Variants in SH3D19 observed in about 807,000 individuals in gnomAD.
SH3D19 encodes SH3 domain-containing protein 19.
In SH3D19, 58 loss-of-function variants were observed where a neutral mutation model predicts 112.1. That is an observed-to-expected ratio of 0.52 (90% confidence interval 0.42 to 0.64). The LOEUF (loss-of-function observed/expected upper bound fraction) is 0.64. Among genes scored for constraint, SH3D19 ranks in the 30% least tolerant of loss-of-function variants. SH3D19 has a pLI of 0.00. For synonymous variants in SH3D19, 391 were observed against 448.5 expected (o/e 0.87, Z 1.62); for missense variants, 1,090 against 1,263.4 (o/e 0.86, Z 2.08).
intron 7 of SH3D19, chr4:151,166,260 C>T (rs1226052608): frequency 1.3e-5 from 2 of 152,290 alleles, no homozygotes; most frequent in Non-Finnish European, 2.9e-5. Flanking sequence ...AAGACATATC[C>T]CTTCAAATAT....
chr4:151,203,587 A>T (rs1031637310), intron 2 of SH3D19, among the ~76,000 whole-genome samples: 1 of 152,180 alleles, frequency 6.6e-6, no homozygotes, highest in Admixed American at 6.5e-5. Context: ...ACCAACTTAT[A>T]AAGGTCATTT....
intron 1 of SH3D19, among the ~76,000 whole-genome samples, chr4:151,265,650 CACTGCA>C (rs1215023335): frequency 6.9e-6 from 1 of 145,792 alleles, no homozygotes; most frequent in African/African-American, 2.6e-5. Context: ...AATCTCAGCT[CACTGCA>C]ACCTCCACCT....
intron 2 of SH3D19, among the ~76,000 whole-genome samples, chr4:151,208,275 C>G (rs1385636290): frequency 6.6e-6 from 1 of 152,208 alleles, no homozygotes; most frequent in Non-Finnish European, 1.5e-5. Flanking sequence ...GGTGAGAGTT[C>G]CAGCCTGCCC....
At chr4:151,277,068 G>C (rs1406646461) in intron 1 of SH3D19, 1 of 807,232 alleles carries the variant, frequency 1.2e-6, no homozygotes, top group Admixed American at 3.8e-5. Context: ...GTGAAGCAGA[G>C]GAATCCATCT....
intron 11 of SH3D19, 38 bp from the exon 12 acceptor site, chr4:151,144,088 T>A: frequency 6.3e-7 from 1 of 1,592,212 alleles, no homozygotes; most frequent in Non-Finnish European, 8.5e-7. Context: ...GCAATTATTA[T>A]TTAATAAAAC....
chr4:151,161,216 C>A (rs887452766), intron 8 of SH3D19, among the ~76,000 whole-genome samples: 1 of 152,056 alleles, frequency 6.6e-6, no homozygotes, highest in Non-Finnish European at 1.5e-5. Context: ...GGGAGCCTTG[C>A]AGACATCTGG....
intron 1 of SH3D19, among the ~76,000 whole-genome samples, chr4:151,250,292 T>C (rs1303788549): frequency 6.6e-6 from 1 of 152,226 alleles, no homozygotes; most frequent in Non-Finnish European, 1.5e-5. Flanking sequence ...TGGAATGTTA[T>C]GCAGCTATTT....
At chr4:151,127,597 T>C (rs765469472) in intron 19 of SH3D19, 21 bp downstream of exon 19, 3 of 1,447,700 alleles carry the variant, frequency 2.1e-6, no homozygotes, top group Non-Finnish European at 2.8e-6. Flanking sequence ...AATGCAGTTA[T>C]GAAGAGATAC....
intron 8 of SH3D19, among the ~76,000 whole-genome samples, chr4:151,162,958 A>G (rs1336985395): frequency 2.0e-5 from 3 of 152,202 alleles, no homozygotes; most frequent in Admixed American, 1.3e-4. Context: ...AACAGAATAT[A>G]TGGTTTATGC....
chr4:151,132,450 A>G lies in SH3D19; in HGVS notation c.2690-67T>C. Reference sequence around the variant, plus strand: ...AGATGTGAAGGCCACATAGTATTAAAAACAAATGGTTGAGGTGGGAGGTGG... The same window carrying G: ...AGATGTGAAGGCCACATAGTATTAAGAACAAATGGTTGAGGTGGGAGGTGG... On this transcript the variant is annotated intron_variant, in intron 16 of 19. Coordinates refer to ENST00000604030, the MANE Select transcript of SH3D19 (RefSeq NM_001378122.1). 6 of 1,434,506 alleles carry G rather than the reference A, an allele frequency of 4.2e-6. No homozygotes were observed. The South Asian group carries it at 5.9e-5, about 14-fold the overall frequency. The allele number at this position is 1,434,506 out of a possible 1,614,324, so 88.9% of individuals were successfully genotyped here.
intron 19 of SH3D19, among the ~76,000 whole-genome samples, chr4:151,123,691 G>A (rs1748538428): frequency 6.6e-6 from 1 of 152,174 alleles, no homozygotes; most frequent in Non-Finnish European, 1.5e-5. Flanking sequence ...TCTTATTCAT[G>A]TGCAAATTAG....
chr4:151,309,739 C>T (rs911058097), intron 1 of SH3D19, among the ~76,000 whole-genome samples: 2 of 152,204 alleles, frequency 1.3e-5, no homozygotes, highest in Non-Finnish European at 2.9e-5. Flanking sequence ...CCTGTAATCC[C>T]AGCACTTTGG....
chr4:151,267,164 AAAAAAAAATAAATAAAAT>A (rs1561414548), intron 1 of SH3D19, among the ~76,000 whole-genome samples: 2 of 86,764 alleles, frequency 2.3e-5, no homozygotes, highest in Admixed American at 1.2e-4. Context: ...CTCTAAAAAA[AAAAAAAAATAAATAAAAT>A]AAATTAGTCT....
At chr4:151,168,512 G>C (rs964375499) in intron 7 of SH3D19, among the ~76,000 whole-genome samples, 2 of 151,112 alleles carry the variant, frequency 1.3e-5, no homozygotes, top group African/African-American at 4.9e-5. Context: ...ACGACTCATT[G>C]CAGCCTCAAC....
At chr4:151,146,151 C>T (rs772222184) in intron 11 of SH3D19, among the ~76,000 whole-genome samples, 1 of 152,074 alleles carries the variant, frequency 6.6e-6, no homozygotes, top group African/African-American at 2.4e-5. Flanking sequence ...TTTGAAAAAC[C>T]CTGAACAGCT....
At chr4:151,152,159 C>G (rs1248792416) in intron 9 of SH3D19, among the ~76,000 whole-genome samples, 2 of 152,156 alleles carry the variant, frequency 1.3e-5, no homozygotes, top group Non-Finnish European at 2.9e-5. Flanking sequence ...CTGACATACT[C>G]CAAATATTGA....
In SH3D19 at chr4:151,129,464, G is replaced by A. The variant is rs536131650; in HGVS notation, c.2743-1108C>T. On this transcript the variant is annotated intron_variant, in intron 17 of 19. Coordinates refer to ENST00000604030, the MANE Select transcript of SH3D19 (RefSeq NM_001378122.1). The stretch of plus-strand genomic sequence containing the variant: ...GGCTCAATGCAACCTCTGCCTCCCG[G>A]GTTCAAGCAATTCTCCTGCCTCAGC... Among the ~76,000 whole-genome samples, 26 of 152,262 alleles carry A rather than the reference G, an allele frequency of 1.7e-4. No homozygotes were observed. The East Asian group carries it at 3.3e-3, about 19-fold the overall frequency.
intron 1 of SH3D19, among the ~76,000 whole-genome samples, chr4:151,271,737 CAAT>C (rs1490452098): frequency 6.6e-6 from 1 of 152,058 alleles, no homozygotes; most frequent in East Asian, 1.9e-4. Context: ...GAAATGAGTT[CAAT>C]AACAACAATA....
At chr4:151,230,874 C>T (rs898557507) in intron 1 of SH3D19, among the ~76,000 whole-genome samples, 1 of 152,068 alleles carries the variant, frequency 6.6e-6, no homozygotes, top group African/African-American at 2.4e-5. Context: ...CCACCATCCC[C>T]GGCCAAAGTG....
Sources: allele counts gnomAD v4.1 joint callset (sites outside exome capture counted in the v4.1 genomes callset), GRCh38; gene constraint gnomAD v4.1.1; transcripts MANE v1.5; gene names NCBI Gene and HGNC (gene_info 2026-07-23, HGNC 2026-07-21).